MMP16: variants seen among roughly 807,000 people sequenced by gnomAD.
MMP16 encodes the protein matrix metalloproteinase-16.
MMP16 carries 12 observed loss-of-function variants against 67.8 expected under a neutral mutation model. The observed-to-expected ratio is 0.18, with a 90% confidence interval of 0.11 to 0.29. The LOEUF (loss-of-function observed/expected upper bound fraction) is 0.29. Ranked by LOEUF, MMP16 falls within the 10% of genes least tolerant of loss-of-function variation. The pLI is 1.00. For missense variants in MMP16, 475 were observed against 765.7 expected, an observed-to-expected ratio of 0.62 and a Z score of 4.48; for synonymous variants, 249 against 255.9, an observed-to-expected ratio of 0.97 and a Z score of 0.26.
chr8:88,091,134 C>A (rs945303713), intron 6 of MMP16, among the ~76,000 whole-genome samples: 1 of 151,744 alleles, frequency 6.6e-6, no homozygotes, highest in African/African-American at 2.4e-5. Flanking sequence ...AGAAGTCACT[C>A]ATATGATTAA....
chr8:88,215,174 A>G (rs1365103120), intron 1 of MMP16, among the ~76,000 whole-genome samples: 1 of 151,988 alleles, frequency 6.6e-6, no homozygotes, highest in African/African-American at 2.4e-5. Context: ...AAACACACAC[A>G]AAAAAATTAG....
chr8:88,293,125 T>C (rs1810952429), intron 1 of MMP16, among the ~76,000 whole-genome samples: 1 of 152,182 alleles, frequency 6.6e-6, no homozygotes, highest in Admixed American at 6.5e-5. Flanking sequence ...TTTGGTTATA[T>C]CATTATCCAT....
intron 1 of MMP16, among the ~76,000 whole-genome samples, chr8:88,249,211 C>T (rs565277652): frequency 4.0e-5 from 6 of 151,330 alleles, no homozygotes; most frequent in East Asian, 2.0e-4. Flanking sequence ...GAAATGGATG[C>T]GGCAGAAAAG....
At chr8:88,183,712 C>CTTTTTTTTTTTTT (rs71277981) in intron 3 of MMP16, among the ~76,000 whole-genome samples, 1 of 92,068 alleles carries the variant, frequency 1.1e-5, no homozygotes, top group Admixed American at 1.6e-4. Context: ...AAATGTCCTT[C>CTTTTTTTTTTTTT]TTTTTTTTTT....
intron 1 of MMP16, among the ~76,000 whole-genome samples, chr8:88,308,845 T>G (rs1294482041): frequency 6.6e-6 from 1 of 151,846 alleles, no homozygotes; most frequent in East Asian, 1.9e-4. Flanking sequence ...TTTTAATATA[T>G]ACAGAGCTCA....
chr8:88,152,952 TTATC>T (rs1485194253), intron 4 of MMP16, among the ~76,000 whole-genome samples: 1 of 58,186 alleles, frequency 1.7e-5, no homozygotes, highest in Admixed American at 2.0e-4. Context: ...ACATGATTGT[TTATC>T]TAGAAAACCC....
At chr8:88,177,819 C>A (rs924551408) in intron 3 of MMP16, among the ~76,000 whole-genome samples, 8 of 152,090 alleles carry the variant, frequency 5.3e-5, no homozygotes, top group African/African-American at 1.9e-4. Flanking sequence ...CTCAGACCCA[C>A]TCAAAAGGAC....
At chr8:88,215,718 C>T (rs527962588) in intron 1 of MMP16, among the ~76,000 whole-genome samples, 12 of 152,282 alleles carry the variant, frequency 7.9e-5, no homozygotes, top group African/African-American at 2.9e-4. Flanking sequence ...TTCTTAATCT[C>T]AGTAGAGTTC....
intron 3 of MMP16, among the ~76,000 whole-genome samples, chr8:88,172,848 C>G (rs1291744157): frequency 1.3e-5 from 2 of 151,958 alleles, no homozygotes; most frequent in African/African-American, 4.8e-5. Context: ...AATGACCATG[C>G]CTTACACAAT....
intron 4 of MMP16, among the ~76,000 whole-genome samples, chr8:88,136,344 A>C (rs1808118569): frequency 6.6e-6 from 1 of 151,866 alleles, no homozygotes; most frequent in African/African-American, 2.4e-5. Flanking sequence ...GTGGGTTCCC[A>C]TGTCTTTCTC....
In MMP16 at chr8:88,247,540, G is replaced by A. The variant is rs562198752; in HGVS notation, c.133-50234C>T. ...CCAGGGAAAGGCTGACAGACTAGAG[G>A]ATTCACAGGGAATGAGGCTCGAGGG... On this transcript the variant is annotated intron_variant, in intron 1 of 9. Coordinates refer to ENST00000286614, the MANE Select transcript of MMP16 (RefSeq NM_005941.5). Among the ~76,000 whole-genome samples the A allele has an allele frequency of 2.6e-5, 4 of 152,112 alleles. No homozygotes were observed. In the South Asian group the frequency reaches 6.2e-4, roughly 24 times the overall value.
At chr8:88,062,271 T>C (rs998307253) in intron 7 of MMP16, among the ~76,000 whole-genome samples, 3 of 152,158 alleles carry the variant, frequency 2.0e-5, no homozygotes, top group Admixed American at 6.6e-5. Context: ...GATCTAGAAC[T>C]AGAAATACCA....
chr8:88,326,086 TC>T lies in MMP16; in HGVS notation c.132+988del, dbSNP rs769253932. ...TATTCCTTAAAAAATTATTCATAAT[TC>T]GTTTGAGAGTTCAGAGGACATCAGA... is the stretch of plus-strand genomic sequence containing the variant. On this transcript the variant is annotated intron_variant, in intron 1 of 9. Coordinates refer to ENST00000286614, the MANE Select transcript of MMP16 (RefSeq NM_005941.5). Among the ~76,000 whole-genome samples, 21 of 152,128 alleles carry T rather than the reference TC, an allele frequency of 1.4e-4. No individual in the cohort carries two copies. In the East Asian group the frequency reaches 3.7e-3, roughly 27 times the overall value.
Position 88,124,081 on chromosome 8 carries a change from A to G in MMP16, c.710-5220T>C, listed in dbSNP as rs190812824. ...AGCATTGATGAGTAAATTTCTTGCA[A>G]TGCACTTGCGAGTAGCATTTACGTG... On this transcript the variant is annotated intron_variant, in intron 4 of 9. Transcript: ENST00000286614. Among the ~76,000 whole-genome samples, 167 of 152,134 alleles carry G rather than the reference A, an allele frequency of 1.1e-3. 2 individuals carry two copies. Among genetic ancestry groups the G allele is most frequent in the African/African-American group, 3.8e-3 (157 of 41,544 alleles).
intron 1 of MMP16, among the ~76,000 whole-genome samples, chr8:88,258,351 T>C (rs1810337129): frequency 6.6e-6 from 1 of 152,186 alleles, no homozygotes; most frequent in Non-Finnish European, 1.5e-5. Context: ...AAATAGGCTT[T>C]CAATTTCCAA....
intron 1 of MMP16, among the ~76,000 whole-genome samples, chr8:88,313,830 G>A (rs1195874530): frequency 7.2e-5 from 11 of 152,066 alleles, no homozygotes; most frequent in Non-Finnish European, 1.3e-4. Context: ...CATCTTACAT[G>A]GATGGCAGCA....
intron 1 of MMP16, among the ~76,000 whole-genome samples, chr8:88,217,315 G>GT (rs1277239194): frequency 6.6e-6 from 1 of 152,024 alleles, no homozygotes; most frequent in Non-Finnish European, 1.5e-5. Context: ...ATACACGCAT[G>GT]TATGCATATA....
At chr8:88,109,352 T>C (rs1809295125) in intron 6 of MMP16, among the ~76,000 whole-genome samples, 1 of 151,338 alleles carries the variant, frequency 6.6e-6, no homozygotes, top group East Asian at 1.9e-4. Context: ...ATTACAGCTT[T>C]CACACTTATT....
At chr8:88,153,398 G>T (rs1012870748) in intron 4 of MMP16, among the ~76,000 whole-genome samples, 9 of 152,028 alleles carry the variant, frequency 5.9e-5, no homozygotes, top group Non-Finnish European at 7.4e-5. Context: ...AAAAGAGCCC[G>T]CATCACCAAG....
Sources: gnomAD v4.1 joint callset for allele counts (sites outside exome capture counted in the v4.1 genomes callset) on GRCh38, gnomAD v4.1.1 for gene constraint, MANE v1.5 for transcripts, NCBI Gene and HGNC (gene_info 2026-07-23, HGNC 2026-07-21) for gene names.